FREM3: variants seen among roughly 807,000 people sequenced by gnomAD.
The protein encoded by FREM3 is FRAS1 related extracellular matrix 3, also known as FRAS1-related extracellular matrix protein 3.
A neutral mutation model predicts 129.1 loss-of-function variants in FREM3; 105 were observed. The observed-to-expected ratio is 0.81, with a 90% CI of 0.69 to 0.96. FREM3 has a LOEUF of 0.96. Among genes scored for constraint, FREM3 ranks in the 40% least tolerant of loss-of-function variants. FREM3 has a pLI of 0.00. For missense variants in FREM3, 2,593 were observed against 2,666.3 expected (o/e 0.97, Z 0.61); for synonymous variants, 1,014 against 1,044.9 (o/e 0.97, Z 0.57).
At chr4:143,577,926 C>T (rs1174326584) in intron 7 of FREM3, 74 bp from the exon 8 acceptor site, 1 of 1,412,982 alleles carries the variant, frequency 7.1e-7, no homozygotes, top group Non-Finnish European at 9.4e-7. Flanking sequence ...AAAATGAGAG[C>T]TCTCACCAAC....
Position 143,641,802 on chromosome 4 carries a change from A to G in FREM3, c.5276-14042T>C, listed in dbSNP as rs137911289. ...TCTTGGGTAAAATATTCCTTTTTCTAGAAATAAAAATGCCCTTTATATAGC... is the reference window on the plus strand; with the variant it reads ...TCTTGGGTAAAATATTCCTTTTTCTGGAAATAAAAATGCCCTTTATATAGC... On this transcript the variant is annotated intron_variant, in intron 2 of 7. Coordinates refer to ENST00000329798, the MANE Select transcript of FREM3 (RefSeq NM_001168235.2). 3.3e-3 allele frequency among the ~76,000 whole-genome samples: 509 copies of G among 152,322 alleles called. 3 individuals carry two copies. The highest frequency in any genetic ancestry group is 0.012 in the African/African-American group (495 of 41,580).
intron 7 of FREM3, among the ~76,000 whole-genome samples, chr4:143,578,501 C>G (rs1176295060): frequency 1.3e-5 from 2 of 152,064 alleles, no homozygotes; most frequent in African/African-American, 4.8e-5. Context: ...TTTATATTGT[C>G]TCAAGGTACT....
intron 7 of FREM3, among the ~76,000 whole-genome samples, chr4:143,581,009 A>C (rs1738133396): frequency 6.6e-6 from 1 of 152,158 alleles, no homozygotes; most frequent in African/African-American, 2.4e-5. Context: ...GAGCTCCCAG[A>C]AGTAGCAGTG....
At chr4:143,640,448 A>G (rs1220316526) in intron 2 of FREM3, among the ~76,000 whole-genome samples, 1 of 152,238 alleles carries the variant, frequency 6.6e-6, no homozygotes, top group African/African-American at 2.4e-5. Flanking sequence ...AACTATGTAG[A>G]TAATGGGTTA....
intron 2 of FREM3, among the ~76,000 whole-genome samples, chr4:143,669,217 C>A (rs536546683): frequency 2.0e-5 from 3 of 151,880 alleles, no homozygotes; most frequent in Non-Finnish European, 4.4e-5. Flanking sequence ...GAAAAAATAA[C>A]CACATTAGGA....
chr4:143,637,805 C>T (rs958769942), intron 2 of FREM3, among the ~76,000 whole-genome samples: 13 of 152,084 alleles, frequency 8.5e-5, no homozygotes, highest in East Asian at 7.7e-4. Context: ...TCTCCTAAGC[C>T]GCAGAGATGC....
chr4:143,584,918 C>A (rs1738211228), intron 7 of FREM3, among the ~76,000 whole-genome samples: 1 of 152,128 alleles, frequency 6.6e-6, no homozygotes, highest in Admixed American at 6.5e-5. Context: ...CAGAAGTATA[C>A]CATCCACACT....
Position 143,697,432 on chromosome 4 carries a change from C to G in FREM3, c.3244G>C (p.Glu1082Gln). 1 of 1,537,238 alleles carries G rather than the reference C, an allele frequency of 6.5e-7. No individual in the cohort carries two copies. ...VFVGESFIVYEGEKNSLTLQH... is the reference protein window; with the variant it reads ...VFVGESFIVYQGEKNSLTLQH... The stretch of plus-strand genomic sequence containing the variant: ...AAGGTCAAGGAGTTCTTCTCACCTT[C>G]ATAGACAATGAAGGACTCCCCGACG... The change falls in exon 1 of 8, where the codon GAA becomes CAA. Residue 1082 changes from glutamate to glutamine, a missense_variant. Around this residue, in one of 2 missense-constraint regions of FREM3, gnomAD observed 2,276 missense variants for 2,267.2 expected, o/e 1.00. Coordinates refer to ENST00000329798, the MANE Select transcript of FREM3 (RefSeq NM_001168235.2).
intron 6 of FREM3, among the ~76,000 whole-genome samples, chr4:143,604,978 G>A (rs1423957740): frequency 2.0e-5 from 3 of 152,018 alleles, no homozygotes; most frequent in African/African-American, 4.8e-5. Flanking sequence ...TTCATTCAAG[G>A]ATAATCTAAT....
At chr4:143,667,436 G>A (rs192783290) in intron 2 of FREM3, among the ~76,000 whole-genome samples, 1 of 151,698 alleles carries the variant, frequency 6.6e-6, no homozygotes, top group Non-Finnish European at 1.5e-5. Flanking sequence ...TAAAAAAAAA[G>A]GAACTGGGAA....
intron 1 of FREM3, among the ~76,000 whole-genome samples, chr4:143,694,652 A>G (rs1740533770): frequency 6.6e-6 from 1 of 152,078 alleles, no homozygotes; most frequent in African/African-American, 2.4e-5. Context: ...TGTTGTTGTT[A>G]TACTTTAAGT....
intron 2 of FREM3, among the ~76,000 whole-genome samples, chr4:143,628,891 G>A (rs945074078): frequency 6.6e-6 from 1 of 152,238 alleles, no homozygotes; most frequent in Admixed American, 6.5e-5. Context: ...TGAGTGGAGA[G>A]CGCTGCATTG....
chr4:143,631,145 A>G (rs1396952780), intron 2 of FREM3, among the ~76,000 whole-genome samples: 2 of 152,150 alleles, frequency 1.3e-5, no homozygotes, highest in African/African-American at 2.4e-5. Context: ...CCAAATACCA[A>G]CTTCTTGTTA....
chr4:143,663,277 T>C (rs1739779402), intron 2 of FREM3, among the ~76,000 whole-genome samples: 1 of 152,140 alleles, frequency 6.6e-6, no homozygotes, highest in Non-Finnish European at 1.5e-5. Context: ...AGGGCAGGCC[T>C]GGTGGTGACA....
At chr4:143,620,680 C>T (rs1486072652) in intron 5 of FREM3, among the ~76,000 whole-genome samples, 4 of 152,148 alleles carry the variant, frequency 2.6e-5, no homozygotes, top group South Asian at 2.1e-4. Flanking sequence ...ATTAAAAATA[C>T]GAATCTTTAA....
chr4:143,697,544 G>A lies in FREM3; in HGVS notation c.3132C>T (p.Tyr1044=). 6.5e-7 allele frequency: 1 copy of A among 1,537,322 alleles called. No individual in the cohort carries two copies. ...AFSLILSKDS[Y]QWVVGNSIIE... The stretch of plus-strand genomic sequence containing the variant: ...TTATGCTATTCCCCACTACCCATTG[G>A]TAAGAATCTTTGGAGAGGATGAGGC... Residue 1044 remains tyrosine, a synonymous_variant, in exon 1 of 8, where the codon TAC becomes TAT. Coordinates refer to ENST00000329798, the MANE Select transcript of FREM3 (RefSeq NM_001168235.2).
intron 5 of FREM3, among the ~76,000 whole-genome samples, chr4:143,613,590 A>G (rs1174636309): frequency 6.6e-6 from 1 of 152,260 alleles, no homozygotes. Flanking sequence ...CCTGGCACAC[A>G]GACAAAGGAA....
intron 6 of FREM3, among the ~76,000 whole-genome samples, chr4:143,600,222 TA>T (rs5862657): frequency 0.35 from 53,928 of 152,018 alleles, 10,437 homozygotes; most frequent in South Asian, 0.43. Context: ...CTAAGTGAAG[TA>T]AACTCAGGAA....
chr4:143,635,431 T>A (rs926400996), intron 2 of FREM3, among the ~76,000 whole-genome samples: 2 of 152,194 alleles, frequency 1.3e-5, no homozygotes, highest in Non-Finnish European at 2.9e-5. Flanking sequence ...CATTATGGGC[T>A]AGATAATTCC....
Sources: gnomAD v4.1 joint callset for allele counts (sites outside exome capture counted in the v4.1 genomes callset) on GRCh38, gnomAD v4.1.1 for gene constraint, gnomAD v4.1.1 regional missense constraint, MANE v1.5 for transcripts, NCBI Gene and HGNC (gene_info 2026-07-23, HGNC 2026-07-21) for gene names.